Variants in GTF2A1L observed in about 807,000 individuals in gnomAD.
The protein encoded by GTF2A1L is general transcription factor IIA subunit 1 like.
In GTF2A1L, 48 loss-of-function variants were observed where a neutral mutation model predicts 49.7. The ratio of observed to expected loss-of-function variants is 0.97; its 90% CI spans 0.77 to 1.23. The LOEUF (loss-of-function observed/expected upper bound fraction) is 1.23. Among genes scored for constraint, GTF2A1L ranks in the 50% most tolerant of loss-of-function variants. The pLI is 0.00. For missense variants in GTF2A1L, 736 were observed against 564.8 expected (o/e 1.30, Z -3.07); for synonymous variants, 246 against 193.5 (o/e 1.27, Z -2.25).
chr2:48,637,608 A>G (rs1453490357), intron 3 of GTF2A1L, among the ~76,000 whole-genome samples: 1 of 152,194 alleles, frequency 6.6e-6, no homozygotes, highest in African/African-American at 2.4e-5. Flanking sequence ...AGCAGAAGAC[A>G]AGAAATGAAC....
chr2:48,654,507 C>T (rs979980009), intron 6 of GTF2A1L, among the ~76,000 whole-genome samples: 6 of 151,992 alleles, frequency 3.9e-5, no homozygotes, highest in Admixed American at 3.3e-4. Context: ...CTCAGTCTCC[C>T]GCGAAGCTGG....
At position 48,619,597 on chromosome 2, in the gene GTF2A1L, C is replaced by G. The variant is rs142542954; in HGVS notation, c.22-1254C>G. Among the ~76,000 whole-genome samples, 147 of 151,980 alleles carry G rather than the reference C, an allele frequency of 9.7e-4. 1 individual carries two copies. Among genetic ancestry groups the G allele is most frequent in the South Asian group, 4.8e-3 (23 of 4,802 alleles). On this transcript the variant is annotated intron_variant, in intron 1 of 8. Transcript: ENST00000403751. The stretch of plus-strand genomic sequence containing the variant: ...AATAGGGTAGGATGAAAAGGCAATC[C>G]TAGAGTGCCACAATTTTCATTTTGG...
intron 3 of GTF2A1L, among the ~76,000 whole-genome samples, chr2:48,629,240 C>CA (rs111629981): frequency 0.011 from 1,225 of 115,876 alleles, 62 homozygotes; most frequent in African/African-American, 0.031. Flanking sequence ...GACTCCGTCT[C>CA]AAAAAAAAAA....
At chr2:48,632,835 A>C in intron 3 of GTF2A1L, 1 of 223,166 alleles carries the variant, frequency 4.5e-6, no homozygotes. Context: ...ATAGAGCCAA[A>C]GTAATTGCCA....
chr2:48,634,909 C>T (rs1017341135), intron 3 of GTF2A1L, among the ~76,000 whole-genome samples: 2 of 152,210 alleles, frequency 1.3e-5, no homozygotes, highest in Non-Finnish European at 2.9e-5. Context: ...CATCCATCTA[C>T]AGGTCCCCCA....
chr2:48,672,916 T>C (rs370293015), intron 8 of GTF2A1L, among the ~76,000 whole-genome samples: 17 of 152,340 alleles, frequency 1.1e-4, no homozygotes, highest in African/African-American at 4.1e-4. Flanking sequence ...CCCCATACTT[T>C]TTGTTTCTTA....
In GTF2A1L at chr2:48,635,880, C is replaced by T. The variant is rs1432206060; in HGVS notation, c.248-6522C>T. 4.6e-5 allele frequency among the ~76,000 whole-genome samples: 7 copies of T among 152,098 alleles called. 1 individual carries two copies. The highest frequency in any genetic ancestry group is 4.6e-4 in the Admixed American group (7 of 15,274). On this transcript the variant is annotated intron_variant, in intron 3 of 8. Transcript: ENST00000403751. ...GTTTTTCCCTCACAGCGTCTCCAAC[C>T]CTTTCCCCAAGTTAGCTTCAGGGAT...
chr2:48,650,941 G>T (rs1210313141), intron 6 of GTF2A1L, among the ~76,000 whole-genome samples: 9 of 152,124 alleles, frequency 5.9e-5, no homozygotes, highest in Admixed American at 5.9e-4. Context: ...TGTATTGTAG[G>T]TTAGGCTTAT....
chr2:48,674,356 C>G lies in GTF2A1L; in HGVS notation c.1329+2676C>G, dbSNP rs145656539. 4.5e-3 allele frequency among the ~76,000 whole-genome samples: 684 copies of G among 151,836 alleles called. 5 individuals carry two copies. Among genetic ancestry groups the G allele is most frequent in the African/African-American group, 0.015 (636 of 41,422 alleles). ...ATTTGTGTTTCCCTGATAACTAATG[C>G]GTATTTACATATTTAGCCTTTTTTT... On this transcript the variant is annotated intron_variant, in intron 8 of 8. Transcript: ENST00000403751.
At chr2:48,627,141 TA>T (rs1473821663) in intron 3 of GTF2A1L, among the ~76,000 whole-genome samples, 1 of 144,126 alleles carries the variant, frequency 6.9e-6, no homozygotes, top group Non-Finnish European at 1.6e-5. Flanking sequence ...TCTGTTGTGA[TA>T]TGTTGTTTTT....
intron 6 of GTF2A1L, among the ~76,000 whole-genome samples, chr2:48,652,546 C>T (rs1284782587): frequency 5.3e-5 from 8 of 151,040 alleles, no homozygotes; most frequent in Admixed American, 5.3e-4. Context: ...ACCTGGGAGG[C>T]GGAGGTTGCA....
intron 5 of GTF2A1L, 79 bp from the exon 6 acceptor site, chr2:48,646,373 AT>A (rs370649699): frequency 0.18 from 175,333 of 960,386 alleles, 48 homozygotes; most frequent in Non-Finnish European, 0.19. Flanking sequence ...TGTGGATGAG[AT>A]TTTTTTTTTT....
chr2:48,653,468 T>C (rs1209770888), intron 6 of GTF2A1L, among the ~76,000 whole-genome samples: 3 of 152,194 alleles, frequency 2.0e-5, no homozygotes, highest in African/African-American at 4.8e-5. Context: ...TGTTTTCTTT[T>C]GGGGTAGGTT....
intron 3 of GTF2A1L, among the ~76,000 whole-genome samples, chr2:48,637,392 T>A (rs543802522): frequency 6.6e-6 from 1 of 152,316 alleles, no homozygotes; most frequent in Non-Finnish European, 1.5e-5. Flanking sequence ...ATTCTTGCTA[T>A]GTTAAAATTT....
At chr2:48,673,493 G>C (rs1327250712) in intron 8 of GTF2A1L, among the ~76,000 whole-genome samples, 2 of 151,020 alleles carry the variant, frequency 1.3e-5, no homozygotes, top group Non-Finnish European at 2.9e-5. Flanking sequence ...CTCCCAAGTA[G>C]CTGGGACTAC....
chr2:48,625,881 C>A (rs1676262881), intron 3 of GTF2A1L, among the ~76,000 whole-genome samples: 1 of 144,000 alleles, frequency 6.9e-6, no homozygotes, highest in African/African-American at 2.5e-5. Flanking sequence ...CTGTGCCTGG[C>A]TTATTTATTT....
At chr2:48,632,814 G>C (rs1229672397) in intron 3 of GTF2A1L, 1 of 205,018 alleles carries the variant, frequency 4.9e-6, no homozygotes, top group Non-Finnish European at 9.7e-6. Flanking sequence ...AAGCAGTTGT[G>C]ATGACAGGTG....
intron 1 of GTF2A1L, among the ~76,000 whole-genome samples, chr2:48,619,361 T>A (rs1675844845): frequency 6.6e-6 from 1 of 151,778 alleles, no homozygotes; most frequent in Non-Finnish European, 1.5e-5. Context: ...TGCCAGCTAC[T>A]CTGGATGCTG....
chr2:48,644,007 A>G (rs896957754), intron 4 of GTF2A1L, among the ~76,000 whole-genome samples: 4 of 151,728 alleles, frequency 2.6e-5, no homozygotes, highest in African/African-American at 9.7e-5. Context: ...CCTGTACAAA[A>G]TTTTTTTAAA....
Sources: allele counts gnomAD v4.1 joint callset (sites outside exome capture counted in the v4.1 genomes callset), GRCh38; gene constraint gnomAD v4.1.1; transcripts MANE v1.5; gene names NCBI Gene and HGNC (gene_info 2026-07-23, HGNC 2026-07-21).